Variants in TPRG1 observed in about 807,000 individuals in gnomAD.
TPRG1 encodes tumor protein p63-regulated gene 1 protein.
A neutral mutation model predicts 29.3 loss-of-function variants in TPRG1; 29 were observed. The observed-to-expected ratio is 0.99, with a 90% CI of 0.74 to 1.35. TPRG1 has a LOEUF of 1.35. Ranked by LOEUF, TPRG1 falls within the 40% of genes most tolerant of loss-of-function variation. The probability of loss-of-function intolerance (pLI) is 0.00; values close to 1 mark genes in which losing one functional copy is unlikely to be tolerated. For missense variants in TPRG1, 327 were observed against 335.0 expected, an observed-to-expected ratio of 0.98 and a Z score of 0.19; for synonymous variants, 130 against 116.8, an observed-to-expected ratio of 1.11 and a Z score of -0.73.
At chr3:189,287,893 G>A (rs199843947) in intron 4 of TPRG1, among the ~76,000 whole-genome samples, 9 of 151,982 alleles carry the variant, frequency 5.9e-5, no homozygotes, top group Admixed American at 1.3e-4. Flanking sequence ...GGGAATTTGC[G>A]AAAAGATTGA....
intron 5 of TPRG1, among the ~76,000 whole-genome samples, chr3:189,162,743 T>G (rs932639902): frequency 1.8e-4 from 28 of 152,282 alleles, no homozygotes; most frequent in African/African-American, 6.5e-4. Flanking sequence ...TCCAGGTTGC[T>G]CTATACATAA....
intron 1 of TPRG1, among the ~76,000 whole-genome samples, chr3:189,189,697 A>G (rs771535831): frequency 1.3e-5 from 2 of 152,198 alleles, no homozygotes; most frequent in Non-Finnish European, 2.9e-5. Context: ...TCTTCAAGAT[A>G]CCTATCCCGG....
intron 1 of TPRG1, among the ~76,000 whole-genome samples, chr3:189,204,587 T>C (rs1048073949): frequency 2.6e-5 from 4 of 152,156 alleles, no homozygotes; most frequent in African/African-American, 7.2e-5. Flanking sequence ...AACAGCTTGG[T>C]CTCAGAGCGC....
chr3:189,181,589 A>C (rs1267841331), intron 1 of TPRG1, among the ~76,000 whole-genome samples: 2 of 152,116 alleles, frequency 1.3e-5, no homozygotes, highest in Non-Finnish European at 2.9e-5. Context: ...CCTCATCTCC[A>C]TCTGAGACCA....
intron 1 of TPRG1, among the ~76,000 whole-genome samples, chr3:189,183,879 C>T (rs1730569905): frequency 6.6e-6 from 1 of 150,776 alleles, no homozygotes; most frequent in Non-Finnish European, 1.5e-5. Context: ...ATACATCCTC[C>T]TCGGCTTACG....
At chr3:189,030,144 G>A (rs1332069534) in intron 4 of TPRG1, among the ~76,000 whole-genome samples, 3 of 152,132 alleles carry the variant, frequency 2.0e-5, no homozygotes, top group Non-Finnish European at 2.9e-5. Flanking sequence ...GACTTGAAAA[G>A]GAGTCATAAG....
chr3:189,059,195 T>C (rs1715927770), intron 4 of TPRG1, among the ~76,000 whole-genome samples: 1 of 152,190 alleles, frequency 6.6e-6, no homozygotes, highest in South Asian at 2.1e-4. Flanking sequence ...GTCCCAAGTT[T>C]CCAAGTAAGA....
At chr3:189,299,354 C>T (rs1474007590) in intron 4 of TPRG1, among the ~76,000 whole-genome samples, 1 of 152,154 alleles carries the variant, frequency 6.6e-6, no homozygotes, top group Non-Finnish European at 1.5e-5. Context: ...ATGCCAGCAT[C>T]TGCGGCAAAA....
intron 4 of TPRG1, among the ~76,000 whole-genome samples, chr3:189,055,068 G>C (rs1487243970): frequency 6.6e-6 from 1 of 152,164 alleles, no homozygotes; most frequent in Non-Finnish European, 1.5e-5. Context: ...TGAATAAAAT[G>C]CTACCTAGTA....
intron 2 of TPRG1, among the ~76,000 whole-genome samples, chr3:189,213,242 T>A (rs1427779466): frequency 1.3e-5 from 2 of 152,208 alleles, no homozygotes; most frequent in Non-Finnish European, 2.9e-5. Context: ...GTTGTTATCT[T>A]CTTCATCTAA....
intron 3 of TPRG1, among the ~76,000 whole-genome samples, chr3:189,006,588 A>G (rs1037637991): frequency 2.0e-5 from 3 of 152,148 alleles, no homozygotes; most frequent in Admixed American, 1.3e-4. Context: ...GCAAAAATCT[A>G]AACTTGAACT....
chr3:189,243,262 C>T (rs1485843735), intron 4 of TPRG1, among the ~76,000 whole-genome samples: 1 of 152,108 alleles, frequency 6.6e-6, no homozygotes, highest in African/African-American at 2.4e-5. Context: ...GTGCTACATA[C>T]TTCTAAGTGA....
intron 1 of TPRG1, among the ~76,000 whole-genome samples, chr3:189,104,316 A>C (rs1381008143): frequency 6.6e-6 from 1 of 152,136 alleles, no homozygotes; most frequent in African/African-American, 2.4e-5. Flanking sequence ...ACAGGCGTAG[A>C]TATTCAGTAA....
intron 3 of TPRG1, among the ~76,000 whole-genome samples, chr3:189,229,100 C>T (rs1738241558): frequency 6.6e-6 from 1 of 152,148 alleles, no homozygotes; most frequent in Non-Finnish European, 1.5e-5. Flanking sequence ...TTACACAATG[C>T]TGATAAAAGA....
intron 4 of TPRG1, among the ~76,000 whole-genome samples, chr3:189,087,055 A>G (rs1717993424): frequency 6.6e-6 from 1 of 152,186 alleles, no homozygotes; most frequent in Non-Finnish European, 1.5e-5. Context: ...TAGTATTTTT[A>G]GTTCTAGATC....
chr3:189,153,569 G>T (rs777797272), intron 5 of TPRG1, among the ~76,000 whole-genome samples: 1 of 152,024 alleles, frequency 6.6e-6, no homozygotes, highest in Non-Finnish European at 1.5e-5. Flanking sequence ...CAAGTGTCTC[G>T]GGGTGAGCCA....
At chr3:189,112,258 TTC>T (rs1471878337) in intron 1 of TPRG1, among the ~76,000 whole-genome samples, 1 of 152,212 alleles carries the variant, frequency 6.6e-6, no homozygotes, top group African/African-American at 2.4e-5. Flanking sequence ...GTCTATAATT[TTC>T]TCTCTTTCTT....
At position 189,229,217 on chromosome 3, in the gene TPRG1, C is replaced by T. The variant is rs112532912; in HGVS notation, c.303-9516C>T. Among the ~76,000 whole-genome samples the T allele has an allele frequency of 4.0e-3, 610 of 152,122 alleles. 2 individuals carry two copies. The highest frequency in any genetic ancestry group is 0.014 in the African/African-American group (573 of 41,492). On this transcript the variant is annotated intron_variant, in intron 3 of 5. Transcript: ENST00000345063. ...CTTCAAATTTGAAATACAAATCAAA[C>T]GCAATTCCTATCAAAATCTAAGCAA...
Position 189,211,788 on chromosome 3 carries a change from C to G in TPRG1, c.211-3504C>G, listed in dbSNP as rs562739942. 9 of 152,282 alleles carry G rather than the reference C, an allele frequency of 5.9e-5. No homozygotes were observed. In the East Asian group the frequency reaches 1.7e-3, roughly 30 times the overall value. 9.4% of individuals were successfully genotyped at this position (152,282 alleles called of 1,614,324 possible). A position where few individuals can be genotyped will look rare whatever the true frequency, so the allele number is the denominator to read the frequency against. Reference sequence around the variant, plus strand: ...AGACAGGCCTGGAACCCAGGACCCTCGATGCTTTCCACCACATCCCACTGC... The same window carrying G: ...AGACAGGCCTGGAACCCAGGACCCTGGATGCTTTCCACCACATCCCACTGC... On this transcript the variant is annotated intron_variant, in intron 2 of 5. Coordinates refer to ENST00000345063, the MANE Select transcript of TPRG1 (RefSeq NM_198485.4).
Sources: gnomAD v4.1 joint callset for allele counts (sites outside exome capture counted in the v4.1 genomes callset) on GRCh38, gnomAD v4.1.1 for gene constraint, MANE v1.5 for transcripts, NCBI Gene and HGNC (gene_info 2026-07-23, HGNC 2026-07-21) for gene names.